PRELID2: variants seen among roughly 807,000 people sequenced by gnomAD.
PRELID2 encodes the protein PRELI domain-containing protein 2.
In PRELID2, 25 loss-of-function variants were observed where a neutral mutation model predicts 28.4. That is an observed-to-expected ratio of 0.88 (90% CI 0.64 to 1.23). The LOEUF is 1.23. Ranked by LOEUF, PRELID2 falls within the 50% of genes most tolerant of loss-of-function variation. The probability of loss-of-function intolerance (pLI) is 0.00; values close to 1 mark genes in which losing one functional copy is unlikely to be tolerated. For missense variants in PRELID2, 201 were observed against 214.4 expected, an observed-to-expected ratio of 0.94 and a Z score of 0.39; for synonymous variants, 76 against 71.6, an observed-to-expected ratio of 1.06 and a Z score of -0.31.
intron 4 of PRELID2, among the ~76,000 whole-genome samples, chr5:145,798,805 T>C (rs1752935682): frequency 6.6e-6 from 1 of 152,054 alleles, no homozygotes; most frequent in Non-Finnish European, 1.5e-5. Context: ...TTCTCACTCA[T>C]AGATGGGAAT....
chr5:145,511,979 T>A (rs752985460), intron 1 of PRELID2, among the ~76,000 whole-genome samples: 3 of 152,140 alleles, frequency 2.0e-5, no homozygotes, highest in Non-Finnish European at 2.9e-5. Context: ...CCTCAAGAGA[T>A]ATTTTGTGGT....
At chr5:145,232,873 TAAC>T in the PRELID2 span, among the ~76,000 whole-genome samples, 3 of 152,002 alleles carry the variant, frequency 2.0e-5, no homozygotes, top group Non-Finnish European at 2.9e-5. Flanking sequence ...ATATTAAAAA[TAAC>T]AATCTATCAC....
At chr5:145,747,979 C>G (rs1457682842) in intron 1 of PRELID2, among the ~76,000 whole-genome samples, 1 of 152,102 alleles carries the variant, frequency 6.6e-6, no homozygotes, top group Non-Finnish European at 1.5e-5. Context: ...TAAAAACTCT[C>G]AATAAACTAG....
At chr5:145,235,390 A>G in the PRELID2 span, among the ~76,000 whole-genome samples, 1 of 152,136 alleles carries the variant, frequency 6.6e-6, no homozygotes, top group Admixed American at 6.6e-5. Context: ...GGTCAACCCA[A>G]GCATTAAGTA....
intron 1 of PRELID2, among the ~76,000 whole-genome samples, chr5:145,695,214 T>C (rs1222910179): frequency 2.0e-5 from 3 of 152,180 alleles, no homozygotes; most frequent in African/African-American, 7.2e-5. Context: ...AGATGCTCTC[T>C]CTGTAGAGGT....
At chr5:145,616,003 A>G (rs923064419) in intron 1 of PRELID2, among the ~76,000 whole-genome samples, 7 of 152,098 alleles carry the variant, frequency 4.6e-5, no homozygotes, top group African/African-American at 1.4e-4. Flanking sequence ...TATAATGCTT[A>G]TTTTCACTGG....
the PRELID2 span, among the ~76,000 whole-genome samples, chr5:145,385,191 A>T: frequency 6.6e-6 from 1 of 152,186 alleles, no homozygotes; most frequent in Admixed American, 6.5e-5. Flanking sequence ...AGTATTTAAA[A>T]TTTTTTAAAT....
intron 1 of PRELID2, among the ~76,000 whole-genome samples, chr5:145,535,795 G>A (rs1439319291): frequency 6.6e-6 from 1 of 151,868 alleles, no homozygotes; most frequent in Non-Finnish European, 1.5e-5. Flanking sequence ...ATTTATTCTA[G>A]AACAATAGTT....
intron 1 of PRELID2, among the ~76,000 whole-genome samples, chr5:145,528,915 A>G (rs1752632971): frequency 6.6e-6 from 1 of 152,150 alleles, no homozygotes; most frequent in Admixed American, 6.5e-5. Context: ...AGAGTAACTT[A>G]GAAGAATAAA....
chr5:145,564,842 C>T (rs1016147407), intron 1 of PRELID2, among the ~76,000 whole-genome samples: 1 of 152,190 alleles, frequency 6.6e-6, no homozygotes, highest in Admixed American at 6.5e-5. Flanking sequence ...TTCTTTATTC[C>T]CAAAATGAGA....
the PRELID2 span, among the ~76,000 whole-genome samples, chr5:145,376,210 A>G: frequency 1.3e-5 from 2 of 152,150 alleles, no homozygotes; most frequent in Non-Finnish European, 2.9e-5. Flanking sequence ...TGACTTGTGT[A>G]TGTTGAACTA....
the PRELID2 span, among the ~76,000 whole-genome samples, chr5:145,462,364 A>G: frequency 6.6e-6 from 1 of 152,202 alleles, no homozygotes; most frequent in African/African-American, 2.4e-5. Flanking sequence ...ATTCTGAAGG[A>G]TATTACCATG....
intron 1 of PRELID2, among the ~76,000 whole-genome samples, chr5:145,720,982 A>C (rs946726161): frequency 7.9e-5 from 12 of 152,080 alleles, no homozygotes; most frequent in Admixed American, 2.6e-4. Flanking sequence ...TTAGAAATTA[A>C]ATTTGAAAGG....
chr5:145,754,073 C>A (rs1757195010), downstream of PRELID2: 1 of 152,192 alleles, frequency 6.6e-6, no homozygotes, highest in African/African-American at 2.4e-5. Context: ...TGTCCTCAAA[C>A]CAGGCTGTAA....
chr5:145,512,214 C>G (rs1458320610), intron 1 of PRELID2, among the ~76,000 whole-genome samples: 1 of 152,136 alleles, frequency 6.6e-6, no homozygotes, highest in Non-Finnish European at 1.5e-5. Flanking sequence ...GAGATCAACA[C>G]AGAAGGCAGG....
chr5:145,676,010 C>A (rs1754806509), intron 1 of PRELID2, among the ~76,000 whole-genome samples: 1 of 151,430 alleles, frequency 6.6e-6, no homozygotes, highest in Admixed American at 6.6e-5. Flanking sequence ...CACCTGAGGT[C>A]AGGAATTTGA....
chr5:145,587,415 G>A (rs1025877652), intron 1 of PRELID2, among the ~76,000 whole-genome samples: 4 of 152,080 alleles, frequency 2.6e-5, no homozygotes, highest in South Asian at 4.1e-4. Flanking sequence ...GAAAGATGCC[G>A]ATGTCGAATT....
the PRELID2 span, among the ~76,000 whole-genome samples, chr5:145,252,255 A>G: frequency 1.3e-5 from 2 of 152,066 alleles, no homozygotes; most frequent in African/African-American, 2.4e-5. Context: ...AGTCCAAAAA[A>G]CATCGTCTAT....
the PRELID2 span, among the ~76,000 whole-genome samples, chr5:145,318,476 G>A: frequency 9.9e-5 from 15 of 152,194 alleles, no homozygotes; most frequent in African/African-American, 3.6e-4. Flanking sequence ...CCCAGAGCAA[G>A]GTTAATAACA....
Sources: gnomAD v4.1 joint callset for allele counts (sites outside exome capture counted in the v4.1 genomes callset) on GRCh38, gnomAD v4.1.1 for gene constraint, MANE v1.5 for transcripts, NCBI Gene and HGNC (gene_info 2026-07-23, HGNC 2026-07-21) for gene names.